Variants in CAMSAP2 observed in about 807,000 individuals in gnomAD.
The protein encoded by CAMSAP2 is calmodulin-regulated spectrin-associated protein 2.
CAMSAP2 carries 26 observed loss-of-function variants against 146.1 expected under a neutral mutation model. The observed-to-expected ratio is 0.18, with a 90% CI of 0.13 to 0.25. The LOEUF is 0.25. Ranked by LOEUF, CAMSAP2 falls within the 10% of genes least tolerant of loss-of-function variation. The probability of loss-of-function intolerance (pLI) is 1.00; values close to 1 mark genes in which losing one functional copy is unlikely to be tolerated. For missense variants in CAMSAP2, 1,381 were observed against 1,759.3 expected (o/e 0.78, Z 3.85); for synonymous variants, 499 against 596.6 (o/e 0.84, Z 2.38).
intron 4 of CAMSAP2, among the ~76,000 whole-genome samples, chr1:200,817,200 G>GTATACACACATACACATATGTGTGTGTA (rs1666607967): frequency 3.1e-5 from 2 of 63,544 alleles, no homozygotes; most frequent in Admixed American, 3.4e-4. Context: ...ATGTGTGTGT[G>GTATACACACATACACATATGTGTGTGTA]TATACACACA....
Position 200,815,661 on chromosome 1 carries a change from C to G in CAMSAP2, c.645+17C>G. The G allele has an allele frequency of 7.2e-7, 1 of 1,396,206 alleles. No homozygotes were observed. The highest frequency in any genetic ancestry group is 9.8e-7 in the Non-Finnish European group (1 of 1,019,372). 86.5% of individuals were successfully genotyped at this position (1,396,206 alleles called of 1,614,324 possible). A position where few individuals can be genotyped will look rare whatever the true frequency, so the allele number is the denominator to read the frequency against. ...GGTCAAAAGGTATTTATTTCAAAAACAAAAAGGTGCCTTTATGAGACTGTA... is the reference window on the plus strand; with the variant it reads ...GGTCAAAAGGTATTTATTTCAAAAAGAAAAAGGTGCCTTTATGAGACTGTA... On this transcript the variant is annotated intron_variant, in intron 4 of 16. Transcript: ENST00000358823.
chr1:200,769,935 G>A (rs540575183), intron 2 of CAMSAP2, among the ~76,000 whole-genome samples: 20 of 152,180 alleles, frequency 1.3e-4, no homozygotes, highest in Non-Finnish European at 2.5e-4. Context: ...GAGGGCAGGA[G>A]ATTCTGTTTC....
In CAMSAP2 at chr1:200,848,088, A is replaced by C; in HGVS notation, c.1319A>C (p.Gln440Pro). 6.2e-7 allele frequency: 1 copy of C among 1,603,580 alleles called. No individual in the cohort carries two copies. Among genetic ancestry groups the C allele is most frequent in the Non-Finnish European group, 8.5e-7 (1 of 1,174,324 alleles). Residue 440 changes from glutamine (Q) to proline (P), a missense_variant, in exon 11 of 17, where the codon CAG becomes CCG. Coordinates refer to ENST00000358823, the MANE Select transcript of CAMSAP2 (RefSeq NM_203459.4). ...DISFDKEDSVQRSTPNRGITR... is the reference protein window; with the variant it reads ...DISFDKEDSVPRSTPNRGITR... ...TCTTTTGATAAAGAAGATAGTGTAC[A>C]GAGATCCACTCCAAACCGAGGAATC...
At chr1:200,830,734 A>G (rs1667020905) in intron 4 of CAMSAP2, among the ~76,000 whole-genome samples, 1 of 152,192 alleles carries the variant, frequency 6.6e-6, no homozygotes, top group Non-Finnish European at 1.5e-5. Context: ...CAATTAAAGA[A>G]TCCATATAGT....
intron 1 of CAMSAP2, among the ~76,000 whole-genome samples, chr1:200,757,799 G>C (rs527552292): frequency 6.6e-6 from 1 of 152,110 alleles, no homozygotes; most frequent in Non-Finnish European, 1.5e-5. Flanking sequence ...TTGTATTCTT[G>C]AAACAGTCTT....
intron 2 of CAMSAP2, among the ~76,000 whole-genome samples, chr1:200,782,793 T>C (rs1275459153): frequency 7.1e-6 from 1 of 139,888 alleles, no homozygotes; most frequent in Non-Finnish European, 1.6e-5. Context: ...TTTTTTTTTT[T>C]TTTTTTTTTT....
At chr1:200,817,814 C>T (rs187339875) in intron 4 of CAMSAP2, among the ~76,000 whole-genome samples, 88 of 152,282 alleles carry the variant, frequency 5.8e-4, no homozygotes, top group African/African-American at 2.0e-3. Context: ...CCTGAAAATA[C>T]GATTTGTGCT....
chr1:200,780,141 A>G (rs1665392942), intron 2 of CAMSAP2, among the ~76,000 whole-genome samples: 1 of 152,206 alleles, frequency 6.6e-6, no homozygotes, highest in East Asian at 1.9e-4. Context: ...TTTGTTAAAA[A>G]GCATTATTTA....
rs1034650786 is a variant in CAMSAP2 at position 200,853,874 on chromosome 1, T to G, written c.3823+379T>G. 9.2e-5 allele frequency among the ~76,000 whole-genome samples: 14 copies of G among 152,114 alleles called. No individual in the cohort carries two copies. The highest frequency in any genetic ancestry group is 3.4e-4 in the African/African-American group (14 of 41,420). ...ATAATAAGGAATGCAAGATCAAGAG[T>G]TCACAAGTCCCTCCTTCAAGATAGA... On this transcript the variant is annotated intron_variant, in intron 13 of 16. Coordinates refer to ENST00000358823, the MANE Select transcript of CAMSAP2 (RefSeq NM_203459.4). This position sits in a 1 kb window ranked among gnomAD's most constrained non-coding sequence, Gnocchi z 5.1.
At chr1:200,833,424 G>A (rs1667096261) in intron 6 of CAMSAP2, among the ~76,000 whole-genome samples, 1 of 152,082 alleles carries the variant, frequency 6.6e-6, no homozygotes, top group African/African-American at 2.4e-5. Flanking sequence ...AGCTGGGAGT[G>A]GTGGCATGTG....
In CAMSAP2 at chr1:200,857,160, G is replaced by A. The variant is rs1014318643; in HGVS notation, c.4013-146G>A. The A allele has an allele frequency of 1.1e-5, 7 of 658,122 alleles. No homozygotes were observed. Among genetic ancestry groups the A allele is most frequent in the Middle Eastern group, 4.1e-4 (1 of 2,424 alleles). The allele number at this position is 658,122 out of a possible 1,614,324, so 40.8% of individuals were successfully genotyped here. A position where few individuals can be genotyped will look rare whatever the true frequency, so the allele number is the denominator to read the frequency against. On this transcript the variant is annotated intron_variant, in intron 15 of 16. Coordinates refer to ENST00000358823, the MANE Select transcript of CAMSAP2 (RefSeq NM_203459.4). The surrounding 1 kb of genome is among the most constrained non-coding windows in gnomAD (Gnocchi z 4.7). Reference sequence around the variant, plus strand: ...GATAAAACAATGTTTTGGTTGGATTGCAGCCAGTAAGAGGCCTTTAAGCAC... The same window carrying A: ...GATAAAACAATGTTTTGGTTGGATTACAGCCAGTAAGAGGCCTTTAAGCAC...
At chr1:200,850,315 A>G (rs1310036851) in intron 11 of CAMSAP2, 81 bp downstream of exon 11, 2 of 1,253,910 alleles carry the variant, frequency 1.6e-6, no homozygotes, top group Middle Eastern at 2.0e-4. Flanking sequence ...TTCAGTTGAC[A>G]TGCTTGCTTC....
At position 200,739,704 on chromosome 1, in the gene CAMSAP2, G is replaced by T; in HGVS notation, c.-124G>T. 1 of 850,804 alleles carries T rather than the reference G, an allele frequency of 1.2e-6. No homozygotes were observed. The highest frequency in any genetic ancestry group is 1.6e-6 in the Non-Finnish European group (1 of 636,652). The allele number at this position is 850,804 out of a possible 1,614,324, so 52.7% of individuals were successfully genotyped here. A position where few individuals can be genotyped will look rare whatever the true frequency, so the allele number is the denominator to read the frequency against. ...CTGAGCTTCTCCTCCGTCGGCGCCC[G>T]GGCGGACATCGCCCGGGCCCCGATG... On this transcript the variant is annotated 5_prime_UTR_variant, in exon 1 of 17. Transcript: ENST00000358823. This position sits in a 1 kb window ranked among gnomAD's most constrained non-coding sequence, Gnocchi z 4.8.
At chr1:200,762,604 AGTGTTT>A (rs1333674699) in intron 2 of CAMSAP2, among the ~76,000 whole-genome samples, 40 of 152,358 alleles carry the variant, frequency 2.6e-4, no homozygotes, top group African/African-American at 7.7e-4. Flanking sequence ...TTTGTGAAGC[AGTGTTT>A]GTTTAGTTGC....
chr1:200,778,888 A>T (rs1477396168), intron 2 of CAMSAP2, among the ~76,000 whole-genome samples: 1 of 152,212 alleles, frequency 6.6e-6, no homozygotes, highest in Non-Finnish European at 1.5e-5. Context: ...AGAGCAGATA[A>T]AATCCAAAGA....
At chr1:200,807,284 T>G in intron 2 of CAMSAP2, 92 bp from the exon 3 acceptor site, 1 of 961,352 alleles carries the variant, frequency 1.0e-6, no homozygotes, top group Non-Finnish European at 1.4e-6. Flanking sequence ...ATTCTGCTGC[T>G]TGTTAGGAGA....
At chr1:200,808,642 G>T (rs546191370) in intron 3 of CAMSAP2, among the ~76,000 whole-genome samples, 1 of 152,156 alleles carries the variant, frequency 6.6e-6, no homozygotes, top group Non-Finnish European at 1.5e-5. Flanking sequence ...GAAAATCACA[G>T]TTACATTCTA....
At chr1:200,770,226 A>G (rs1208320578) in intron 2 of CAMSAP2, among the ~76,000 whole-genome samples, 2 of 152,216 alleles carry the variant, frequency 1.3e-5, no homozygotes, top group African/African-American at 4.8e-5. Flanking sequence ...AATGTATGAT[A>G]TAGGTGGTGC....
At chr1:200,754,925 C>T (rs1664608556) in intron 1 of CAMSAP2, among the ~76,000 whole-genome samples, 1 of 152,128 alleles carries the variant, frequency 6.6e-6, no homozygotes, top group Non-Finnish European at 1.5e-5. Flanking sequence ...TCAGGATAGA[C>T]TCATTGATGC....
Sources: allele counts gnomAD v4.1 joint callset (sites outside exome capture counted in the v4.1 genomes callset), GRCh38; gene constraint gnomAD v4.1.1; non-coding constraint Gnocchi (gnomAD v3.1); transcripts MANE v1.5; gene names NCBI Gene and HGNC (gene_info 2026-07-23, HGNC 2026-07-21).